EMILIN2: variants seen among roughly 807,000 people sequenced by gnomAD.
EMILIN2 encodes the protein elastin microfibril interfacer 2, also known as EMILIN-2.
EMILIN2 carries 71 observed loss-of-function variants against 87.1 expected under a neutral mutation model. The ratio of observed to expected loss-of-function variants is 0.82; its 90% CI spans 0.67 to 0.99. EMILIN2 has a LOEUF of 0.99. Among genes scored for constraint, EMILIN2 ranks in the 50% least tolerant of loss-of-function variants. EMILIN2 has a pLI of 0.00. For synonymous variants in EMILIN2, 581 were observed against 563.4 expected (o/e 1.03, Z -0.44); for missense variants, 1,407 against 1,371.8 (o/e 1.03, Z -0.40).
At chr18:2,868,111 G>C (rs1231810734) in intron 2 of EMILIN2, among the ~76,000 whole-genome samples, 2 of 151,286 alleles carry the variant, frequency 1.3e-5, no homozygotes, top group Non-Finnish European at 2.9e-5. Context: ...AGGGACTCCT[G>C]ACTTCTCAGA....
chr18:2,882,879 A>G (rs1220514716), intron 2 of EMILIN2, among the ~76,000 whole-genome samples: 2 of 74,442 alleles, frequency 2.7e-5, no homozygotes, highest in Admixed American at 1.2e-4. Context: ...GTGAAACATC[A>G]TCTCAAAAAA....
At position 2,847,827 on chromosome 18, in the gene EMILIN2, C is replaced by A; in HGVS notation, c.153C>A (p.Ile51=). 2 of 1,613,460 alleles carry A rather than the reference C, an allele frequency of 1.2e-6. No individual in the cohort carries two copies. The highest frequency in any genetic ancestry group is 1.3e-5 in the African/African-American group (1 of 75,048). The change falls in exon 2 of 8, where the codon ATC becomes ATA. Residue 51 remains isoleucine, a synonymous_variant. Coordinates refer to ENST00000254528, the MANE Select transcript of EMILIN2 (RefSeq NM_032048.3). This position sits in a 1 kb window ranked among gnomAD's most constrained non-coding sequence, Gnocchi z 4.5. ...SARNKNWCAY[I]VNKNVSCSVL... is the part of the protein sequence containing the mutation. ...ACCCCAGGAACTGGTGCGCCTACAT[C>A]GTGAACAAGAATGTGAGCTGCTCCG... is the stretch of plus-strand genomic sequence containing the variant.
chr18:2,879,987 A>T (rs1225958859), intron 2 of EMILIN2, among the ~76,000 whole-genome samples: 1 of 152,198 alleles, frequency 6.6e-6, no homozygotes, highest in Non-Finnish European at 1.5e-5. Context: ...GATTGCAGGC[A>T]TGAGCCACTG....
chr18:2,881,693 A>G (rs1447145679), intron 2 of EMILIN2, among the ~76,000 whole-genome samples: 3 of 152,252 alleles, frequency 2.0e-5, no homozygotes, highest in African/African-American at 7.2e-5. Flanking sequence ...GCCGATGAAC[A>G]AAACCCGAGA....
intron 7 of EMILIN2, among the ~76,000 whole-genome samples, chr18:2,912,320 C>T (rs1053690259): frequency 2.1e-4 from 32 of 152,152 alleles, no homozygotes; most frequent in African/African-American, 7.2e-4. Flanking sequence ...GGATTACAGG[C>T]GTGAGCCACC....
In EMILIN2 at chr18:2,890,432, C is replaced by A. The variant is rs1408815868; in HGVS notation, c.434-129C>A. On this transcript the variant is annotated intron_variant, in intron 3 of 7. Coordinates refer to ENST00000254528, the MANE Select transcript of EMILIN2 (RefSeq NM_032048.3). The surrounding 1 kb of genome is among the most constrained non-coding windows in gnomAD (Gnocchi z 4.7). ...CTTTTCTACTGTACCACAGTACTTA[C>A]CTACAATTGTGTAGTGACCTGTAAG... is the stretch of plus-strand genomic sequence containing the variant. The A allele has an allele frequency of 1.8e-6, 2 of 1,110,628 alleles. No homozygotes were observed. Among genetic ancestry groups the A allele is most frequent in the African/African-American group, 3.1e-5 (2 of 63,766 alleles). 68.8% of individuals were successfully genotyped at this position (1,110,628 alleles called of 1,614,324 possible).
intron 4 of EMILIN2, among the ~76,000 whole-genome samples, chr18:2,893,658 C>G (rs938856792): frequency 1.3e-5 from 2 of 152,184 alleles, no homozygotes; most frequent in African/African-American, 4.8e-5. Flanking sequence ...AGCTAGCCCT[C>G]TCTAGTCGGA....
chr18:2,906,787 GCCCTCGCCCCCGCCGCCCGCAGAGGCC>G lies in EMILIN2; in HGVS notation c.2367_2393del (p.Ser790_Pro798del). 4 of 1,262,858 alleles carry G rather than the reference GCCCTCGCCCCCGCCGCCCGCAGAGGCC, an allele frequency of 3.2e-6. No homozygotes were observed. Among genetic ancestry groups the G allele is most frequent in the Non-Finnish European group, 4.0e-6 (4 of 1,008,758 alleles). 78.2% of individuals were successfully genotyped at this position (1,262,858 alleles called of 1,614,324 possible). A position where few individuals can be genotyped will look rare whatever the true frequency, so the allele number is the denominator to read the frequency against. On this transcript the variant is annotated inframe_deletion, in exon 5 of 8. Coordinates refer to ENST00000254528, the MANE Select transcript of EMILIN2 (RefSeq NM_032048.3). ...TTTCTCCCCGACGCCCGGCAGAGGC[GCCCTCGCCCCCGCCGCCCGCAGAGGCC>G]CCGAAGGAGCCGCTGCAGCCCGAGC...
Position 2,880,856 on chromosome 18 carries a change from T to C in EMILIN2, c.258-4108T>C, listed in dbSNP as rs771449681. ...TCCTGGGTCTGGGGCTTTTCCACTT[T>C]GGCTGCACTTGACAACGACTTGGGG... On this transcript the variant is annotated intron_variant, in intron 2 of 7. Transcript: ENST00000254528. The surrounding 1 kb of genome is among the most constrained non-coding windows in gnomAD (Gnocchi z 4.1). Among the ~76,000 whole-genome samples, 1 of 152,194 alleles carries C rather than the reference T, an allele frequency of 6.6e-6. No homozygotes were observed. Among genetic ancestry groups the C allele is most frequent in the African/African-American group, 2.4e-5 (1 of 41,442 alleles).
chr18:2,906,649 C>CT, intron 4 of EMILIN2, 134 bp from the exon 5 acceptor site: 1 of 691,780 alleles, frequency 1.4e-6, no homozygotes, highest in Non-Finnish European at 2.0e-6. Flanking sequence ...TCCCGCTGGC[C>CT]TGACGTCGCA....
At chr18:2,888,542 C>T (rs2076814608) in intron 3 of EMILIN2, among the ~76,000 whole-genome samples, 1 of 151,802 alleles carries the variant, frequency 6.6e-6, no homozygotes, top group South Asian at 2.1e-4. Flanking sequence ...AGTGAAACCC[C>T]ATCTCTACCA....
At chr18:2,846,826 C>A (rs1214094902), upstream of EMILIN2, 1 of 985,322 alleles carries the variant, frequency 1.0e-6, no homozygotes, top group African/African-American at 1.7e-5. This position sits in a 1 kb window ranked among gnomAD's most constrained non-coding sequence, Gnocchi z 5.3. Flanking sequence ...ACCCTTATCC[C>A]AAACCCTTTC....
At chr18:2,846,243 T>C (rs147329612), upstream of EMILIN2, among the ~76,000 whole-genome samples, 619 of 152,370 alleles carry the variant, frequency 4.1e-3, 6 homozygotes, top group African/African-American at 0.014. The surrounding 1 kb of genome is among the most constrained non-coding windows in gnomAD (Gnocchi z 5.3). Flanking sequence ...TTAAGACGGA[T>C]GTCTAGCAGT....
At chr18:2,866,733 T>C (rs1262756354) in intron 2 of EMILIN2, among the ~76,000 whole-genome samples, 1 of 152,226 alleles carries the variant, frequency 6.6e-6, no homozygotes, top group East Asian at 1.9e-4. Flanking sequence ...AGTACTATGT[T>C]GAATAGAGAA....
intron 2 of EMILIN2, among the ~76,000 whole-genome samples, chr18:2,869,549 C>A (rs2076708338): frequency 6.6e-6 from 1 of 152,052 alleles, no homozygotes; most frequent in Admixed American, 6.5e-5. Flanking sequence ...TGGCTTCTTT[C>A]ATTGAACAGA....
intron 3 of EMILIN2, among the ~76,000 whole-genome samples, chr18:2,885,872 G>A (rs2076801310): frequency 6.6e-6 from 1 of 152,204 alleles, no homozygotes; most frequent in Non-Finnish European, 1.5e-5. Context: ...GTTTTCTTAT[G>A]AAATTAGATG....
In EMILIN2 at chr18:2,913,545, G is replaced by C. The variant is rs2076952953; in HGVS notation, c.*141G>C. The C allele has an allele frequency of 1.5e-6, 1 of 669,036 alleles. No homozygotes were observed. Among genetic ancestry groups the C allele is most frequent in the Non-Finnish European group, 2.5e-6 (1 of 405,202 alleles). The allele number at this position is 669,036 out of a possible 1,614,324, so 41.4% of individuals were successfully genotyped here. A position where few individuals can be genotyped will look rare whatever the true frequency, so the allele number is the denominator to read the frequency against. Reference sequence around the variant, plus strand: ...CATAAAGGCCTTCCCTCGCTGTTGAGGCCACCATGCCTTACTGCATCCAGC... The same window carrying C: ...CATAAAGGCCTTCCCTCGCTGTTGACGCCACCATGCCTTACTGCATCCAGC... On this transcript the variant is annotated 3_prime_UTR_variant, in exon 8 of 8. Coordinates refer to ENST00000254528, the MANE Select transcript of EMILIN2 (RefSeq NM_032048.3).
intron 4 of EMILIN2, chr18:2,906,489 G>GT (rs1568484881): frequency 7.9e-6 from 1 of 127,050 alleles, no homozygotes; most frequent in Non-Finnish European, 1.2e-5. Flanking sequence ...ATCGGGAATT[G>GT]TTGATGCCGG....
intron 2 of EMILIN2, among the ~76,000 whole-genome samples, chr18:2,867,886 G>A (rs1190479701): frequency 6.6e-6 from 1 of 151,198 alleles, no homozygotes; most frequent in East Asian, 1.9e-4. Flanking sequence ...AGAGTGGGTG[G>A]TGGCCGGGCA....
Sources: gnomAD v4.1 joint callset for allele counts (sites outside exome capture counted in the v4.1 genomes callset) on GRCh38, gnomAD v4.1.1 for gene constraint, Gnocchi (gnomAD v3.1) non-coding constraint, MANE v1.5 for transcripts, NCBI Gene and HGNC (gene_info 2026-07-23, HGNC 2026-07-21) for gene names.